Variants in SLC39A4 observed in about 807,000 individuals in gnomAD.
SLC39A4 encodes solute carrier family 39 member 4, also known as zinc transporter ZIP4.
SLC39A4 carries 49 observed loss-of-function variants against 56.6 expected under a neutral mutation model. That is an observed-to-expected ratio of 0.87 (90% confidence interval 0.69 to 1.10). SLC39A4 has a LOEUF of 1.10. SLC39A4 is among the 50% of genes least tolerant of loss of function. The pLI is 0.00. For synonymous variants in SLC39A4, 540 were observed against 420.4 expected, an observed-to-expected ratio of 1.28 and a Z score of -3.48; for missense variants, 993 against 864.2, an observed-to-expected ratio of 1.15 and a Z score of -1.87.
In SLC39A4 at chr8:144,412,893, G is replaced by A. The variant is rs201382037; in HGVS notation, c.1681C>T (p.Leu561=). 5.6e-6 allele frequency: 9 copies of A among 1,610,344 alleles called. No homozygotes were observed. The Admixed American group carries it at 1.5e-4, about 27-fold the overall frequency. ...AGLSVRQALL[L]NLASALTAFA... ...GCCGTGAGCGCGGAGGCCAGGTTCA[G>A]CAGCAGTGCTTGGCGCACGGACAGC... Residue 561 remains leucine (L), a synonymous_variant, in exon 11 of 12, where the codon CTG becomes TTG. Coordinates refer to ENST00000301305, the MANE Select transcript of SLC39A4 (RefSeq NM_130849.4).
Position 144,416,036 on chromosome 8 carries a change from G to C in SLC39A4, c.248C>G (p.Pro83Arg). The change falls in exon 2 of 12, where the codon CCC becomes CGC. Residue 83 changes from proline to arginine, a missense_variant. Pro to Arg is a moderately radical substitution (Grantham distance 103, BLOSUM62 -2). Coordinates refer to ENST00000301305, the MANE Select transcript of SLC39A4 (RefSeq NM_130849.4). ...GLGEPEGSGL[P>R]PGPVLEARYV... ...CCTGGCCTCCAGGACCGGGCCCGGGGGCAGCCCTGACCCCTCAGGCTCGCC... is the reference window on the plus strand; with the variant it reads ...CCTGGCCTCCAGGACCGGGCCCGGGCGCAGCCCTGACCCCTCAGGCTCGCC... The C allele has an allele frequency of 6.3e-7, 1 of 1,582,590 alleles. No individual in the cohort carries two copies. Among genetic ancestry groups the C allele is most frequent in the Non-Finnish European group, 8.6e-7 (1 of 1,166,404 alleles).
At position 144,415,063 on chromosome 8, in the gene SLC39A4, T is replaced by C. The variant is rs1212095539; in HGVS notation, c.715A>G (p.Ser239Gly). The C allele has an allele frequency of 1.2e-6, 2 of 1,611,362 alleles. No individual in the cohort carries two copies. The highest frequency in any genetic ancestry group is 1.7e-6 in the Non-Finnish European group (2 of 1,179,932). The change falls in exon 4 of 12, where the codon AGT becomes GGT. Residue 239 changes from serine (S) to glycine (G), a missense_variant. Transcript: ENST00000301305. ...CCCCTGTGCCGATGACTGTGGTCAC[T>C]GTGGGCCTCCCTGCCCACCCCCAGG... The part of the protein sequence containing the change: ...QRLGVGREAH[S>G]DHSHRHRGAS...
chr8:144,412,801 TGCCAGGATCCAG>T lies in SLC39A4; in HGVS notation c.1761_1772del (p.Trp588_Ala591del). ...CGTAGAGGAACAGGCCGGTGGCCAC[TGCCAGGATCCAG>T]GCCTCGCTCTCCTCGCTGACTCCAA... On this transcript the variant is annotated inframe_deletion, in exon 11 of 12. Transcript: ENST00000301305. 1 of 1,613,108 alleles carries T rather than the reference TGCCAGGATCCAG, an allele frequency of 6.2e-7. No individual in the cohort carries two copies. The highest frequency in any genetic ancestry group is 8.5e-7 in the Non-Finnish European group (1 of 1,179,924).
At position 144,416,029 on chromosome 8, in the gene SLC39A4, G is replaced by T; in HGVS notation, c.255C>A (p.Gly85=). 6.3e-7 allele frequency: 1 copy of T among 1,580,056 alleles called. No homozygotes were observed. The change falls in exon 2 of 12, where the codon GGC becomes GGA. Residue 85 remains glycine, a synonymous_variant. Coordinates refer to ENST00000301305, the MANE Select transcript of SLC39A4 (RefSeq NM_130849.4). ...GEPEGSGLPP[G]PVLEARYVAR... ...CGACGTACCTGGCCTCCAGGACCGG[G>T]CCCGGGGGCAGCCCTGACCCCTCAG...
In SLC39A4 at chr8:144,415,314, A is replaced by G. The variant is rs1586653703; in HGVS notation, c.580T>C (p.Ser194Pro). ...GGGCTCGGCAAGGCGTGGAAGCAAG[A>G]CCCGCTCCTGACATGGTCCAGCAGG... is the stretch of plus-strand genomic sequence containing the variant. ...AALLDHVRSG[S>P]CFHALPSPQY... Residue 194 changes from serine (S) to proline (P), a missense_variant, in exon 3 of 12, where the codon TCT (serine) becomes CCT (proline). Ser to Pro is a moderately conservative substitution (Grantham distance 74). Transcript: ENST00000301305. 6.2e-7 allele frequency: 1 copy of G among 1,612,720 alleles called. No homozygotes were observed. Among genetic ancestry groups the G allele is most frequent in the Non-Finnish European group, 8.5e-7 (1 of 1,179,770 alleles).
chr8:144,413,795 C>T lies in SLC39A4; in HGVS notation c.1374G>A (p.Glu458=). 2 of 1,558,206 alleles carry T rather than the reference C, an allele frequency of 1.3e-6. No individual in the cohort carries two copies. The highest frequency in any genetic ancestry group is 1.7e-6 in the Non-Finnish European group (2 of 1,157,324). Residue 458 remains glutamate (E), a synonymous_variant, in exon 8 of 12, where the codon GAG becomes GAA. Transcript: ENST00000301305. ...CGTGGGGGGGCTTGGGCTGCCGGAG[C>T]TCGCTGGGTGCCAGCTGCAGGGACA... The part of the protein sequence containing the change: ...HGVSLQLAPS[E]LRQPKPPHEG...
rs1822015405 is a variant in SLC39A4, at chr8:144,413,787, T to C, written c.1382A>G (p.Gln461Arg). ...SLQLAPSELR[Q>R]PKPPHEGSRA... ...GGAGCCCTCGTGGGGGGGCTTGGGC[T>C]GCCGGAGCTCGCTGGGTGCCAGCTG... The change falls in exon 8 of 12, where the codon CAG becomes CGG. Residue 461 changes from glutamine (Q) to arginine (R), a missense_variant. Physicochemically the swap from Gln to Arg is conservative, Grantham distance 43 (BLOSUM62 1). Transcript: ENST00000301305. 6.4e-7 allele frequency: 1 copy of C among 1,551,354 alleles called. No homozygotes were observed. Among genetic ancestry groups the C allele is most frequent in the Non-Finnish European group, 8.7e-7 (1 of 1,154,012 alleles).
rs145813344 is a variant in SLC39A4, at chr8:144,413,966, C to T, written c.1279G>A (p.Asp427Asn). 6 of 1,610,422 alleles carry T rather than the reference C, an allele frequency of 3.7e-6. No homozygotes were observed. Among genetic ancestry groups the T allele is most frequent in the Admixed American group, 3.4e-5 (2 of 59,656 alleles). ...ENLFNLLLPR[D>N]PEDLEDGPCG... is the part of the protein sequence containing the mutation. ...TTCCCAAGAAGCCTGACCTCCGGGT[C>T]CCTGGGCAGCAGGAGATTGAAGAGG... The change falls in exon 7 of 12, where the codon GAC becomes AAC. Residue 427 changes from aspartate (D) to asparagine (N), a missense_variant. Physicochemically the swap from Asp to Asn is conservative, Grantham distance 23. Coordinates refer to ENST00000301305, the MANE Select transcript of SLC39A4 (RefSeq NM_130849.4).
chr8:144,415,241 G>C lies in SLC39A4; in HGVS notation c.653C>G (p.Pro218Arg), dbSNP rs144184595. The C allele has an allele frequency of 3.1e-6, 5 of 1,612,964 alleles. No homozygotes were observed. Among genetic ancestry groups the C allele is most frequent in the Admixed American group, 1.7e-5 (1 of 59,998 alleles). ...FVFQQHSSEV[P>R]MTLAELSALM... is the part of the protein sequence containing the mutation. ...CCAGGCCTCACCGGCCAGCGTCATA[G>C]GGACCTCGCTGCTGTGCTGCTGGAA... The change falls in exon 3 of 12, where the codon CCT becomes CGT. Residue 218 changes from proline to arginine, a missense_variant. Coordinates refer to ENST00000301305, the MANE Select transcript of SLC39A4 (RefSeq NM_130849.4).
Position 144,414,718 on chromosome 8 carries a change from C to T in SLC39A4, c.976+7G>A. 1.2e-6 allele frequency: 2 copies of T among 1,612,340 alleles called. No individual in the cohort carries two copies. The highest frequency in any genetic ancestry group is 8.5e-7 in the Non-Finnish European group (1 of 1,179,444). ...GCTGCCAGCACAATGTCGGCGTGGGCACTCACTCTCTGACTGGCTGAGCTG... is the reference window on the plus strand; with the variant it reads ...GCTGCCAGCACAATGTCGGCGTGGGTACTCACTCTCTGACTGGCTGAGCTG... On this transcript the variant is annotated splice_region_variant and intron_variant, in intron 5 of 11. Coordinates refer to ENST00000301305, the MANE Select transcript of SLC39A4 (RefSeq NM_130849.4).
intron 1 of SLC39A4, 150 bp downstream of exon 1, chr8:144,416,448 C>T (rs1472944772): frequency 1.4e-6 from 2 of 1,459,222 alleles, no homozygotes; most frequent in Non-Finnish European, 9.0e-7. Flanking sequence ...AGGGTGGGCT[C>T]TGGCCTGTGG....
In SLC39A4 at chr8:144,414,310, C is replaced by T. The variant is rs370914936; in HGVS notation, c.1101G>A (p.Leu367=). 9 of 1,605,776 alleles carry T rather than the reference C, an allele frequency of 5.6e-6. No homozygotes were observed. The African/African-American group carries it at 1.1e-4, about 19-fold the overall frequency. The part of the protein sequence containing the change: ...THYILQTFLS[L]AVGAVTGDAV... ...CGTCCCCAGTGACTGCACCCACTGCCAGGCTCAGGAAGGTCTGCAGGATGT... is the reference window on the plus strand; with the variant it reads ...CGTCCCCAGTGACTGCACCCACTGCTAGGCTCAGGAAGGTCTGCAGGATGT... The change falls in exon 6 of 12, where the codon CTG becomes CTA. Residue 367 remains leucine (L), a synonymous_variant. Coordinates refer to ENST00000301305, the MANE Select transcript of SLC39A4 (RefSeq NM_130849.4).
In SLC39A4 at chr8:144,415,036, C is replaced by T. The variant is rs782173451; in HGVS notation, c.742G>A (p.Ala248Thr). 2 of 1,611,606 alleles carry T rather than the reference C, an allele frequency of 1.2e-6. No individual in the cohort carries two copies. Among genetic ancestry groups the T allele is most frequent in the East Asian group, 2.2e-5 (1 of 44,886 alleles). ...AGGGGCACAGGGTCCCGGCTGCTGGCTCCCCTGTGCCGATGACTGTGGTCA... is the reference window on the plus strand; with the variant it reads ...AGGGGCACAGGGTCCCGGCTGCTGGTTCCCCTGTGCCGATGACTGTGGTCA... ...HSDHSHRHRG[A>T]SSRDPVPLIS... The change falls in exon 4 of 12, where the codon GCC becomes ACC. Residue 248 changes from alanine to threonine, a missense_variant. By Grantham distance (58) the Ala-to-Thr change is moderately conservative. Coordinates refer to ENST00000301305, the MANE Select transcript of SLC39A4 (RefSeq NM_130849.4).
intron 8 of SLC39A4, 66 bp from the exon 9 acceptor site, chr8:144,413,633 C>A: frequency 1.3e-6 from 2 of 1,546,680 alleles, no homozygotes; most frequent in East Asian, 4.9e-5. Flanking sequence ...CGGGGCGGGG[C>A]CCCAGATCAC....
chr8:144,412,669 G>A lies in SLC39A4; in HGVS notation c.1816-3C>T. 1 of 1,613,778 alleles carries A rather than the reference G, an allele frequency of 6.2e-7. No homozygotes were observed. Among genetic ancestry groups the A allele is most frequent in the Non-Finnish European group, 8.5e-7 (1 of 1,179,868 alleles). Reference sequence around the variant, plus strand: ...CGTACTTTCAACATCGCCGGGAGCTGAGGAGCAAGTGGGCACCGGGTCAGC... The same window carrying A: ...CGTACTTTCAACATCGCCGGGAGCTAAGGAGCAAGTGGGCACCGGGTCAGC... On this transcript the variant is annotated splice_polypyrimidine_tract_variant and splice_region_variant and intron_variant, in intron 11 of 11. Coordinates refer to ENST00000301305, the MANE Select transcript of SLC39A4 (RefSeq NM_130849.4).
chr8:144,416,015 G>A lies in SLC39A4; in HGVS notation c.269C>T (p.Ala90Val), dbSNP rs781937190. 2 of 1,580,020 alleles carry A rather than the reference G, an allele frequency of 1.3e-6. No homozygotes were observed. Among genetic ancestry groups the A allele is most frequent in the East Asian group, 2.3e-5 (1 of 43,734 alleles). ...GGCACTGAGGCGGGCGACGTACCTGGCCTCCAGGACCGGGCCCGGGGGCAG... is the reference window on the plus strand; with the variant it reads ...GGCACTGAGGCGGGCGACGTACCTGACCTCCAGGACCGGGCCCGGGGGCAG... ...SGLPPGPVLE[A>V]RYVARLSAAA... Residue 90 changes from alanine to valine, a missense_variant, in exon 2 of 12, where the codon GCC (alanine) becomes GTC (valine). Transcript: ENST00000301305.
rs782533379 is a variant in SLC39A4 at position 144,413,501 on chromosome 8, C to CCCTGGGCTCACCTGGGCTCAGTCT, written c.1462_1474+11dup. 44 of 1,557,728 alleles carry CCCTGGGCTCACCTGGGCTCAGTCT rather than the reference C, an allele frequency of 2.8e-5. No homozygotes were observed. The East Asian group carries it at 8.4e-4, about 30-fold the overall frequency. On this transcript the variant is annotated intron_variant, in intron 9 of 11. Transcript: ENST00000301305. Reference sequence around the variant, plus strand: ...ATCCCCCAGCCCTTCCGGGGTCGCCCCCTGGGCTCACCTGGGCTCAGTCTC... The same window carrying CCCTGGGCTCACCTGGGCTCAGTCT: ...ATCCCCCAGCCCTTCCGGGGTCGCCCCCTGGGCTCACCTGGGCTCAGTCTCCTGGGCTCACCTGGGCTCAGTCTC...
intron 5 of SLC39A4, 96 bp downstream of exon 5, chr8:144,414,629 T>A (rs1822086071): frequency 1.3e-6 from 2 of 1,556,796 alleles, no homozygotes; most frequent in Non-Finnish European, 8.7e-7. Flanking sequence ...CAGCCCCTGC[T>A]CACTCTCTCC....
Position 144,412,516 on chromosome 8 carries a change from G to A in SLC39A4, c.*22C>T. ...GTGAGGTGTGGGATCTTAAGTCAAA[G>A]GTGGGGGACTAGGGCAGGGTATCAG... On this transcript the variant is annotated 3_prime_UTR_variant, in exon 12 of 12. Coordinates refer to ENST00000301305, the MANE Select transcript of SLC39A4 (RefSeq NM_130849.4). 6.2e-7 allele frequency: 1 copy of A among 1,614,144 alleles called. No individual in the cohort carries two copies. Among genetic ancestry groups the A allele is most frequent in the South Asian group, 1.1e-5 (1 of 91,060 alleles).
Sources: allele counts gnomAD v4.1 joint callset, GRCh38; gene constraint gnomAD v4.1.1; transcripts MANE v1.5; gene names NCBI Gene and HGNC (gene_info 2026-07-23, HGNC 2026-07-21).